Variants in RFC4 observed in about 807,000 individuals in gnomAD.
RFC4 encodes A1 37 kDa subunit.
A neutral mutation model predicts 47.6 loss-of-function variants in RFC4; 38 were observed. The ratio of observed to expected loss-of-function variants is 0.80; its 90% confidence interval spans 0.62 to 1.05. The LOEUF is 1.05. RFC4 is among the 50% of genes least tolerant of loss of function. RFC4 has a pLI of 0.00. For missense variants in RFC4, 489 were observed against 434.0 expected (o/e 1.13, Z -1.13); for synonymous variants, 164 against 150.0 (o/e 1.09, Z -0.68).
chr3:186,802,089 G>A (rs1457263427), intron 2 of RFC4, among the ~76,000 whole-genome samples: 1 of 151,508 alleles, frequency 6.6e-6, no homozygotes, highest in African/African-American at 2.4e-5. Context: ...TTGGCCGGAT[G>A]CGGTGGCTCA....
intron 8 of RFC4, 38 bp from the exon 9 acceptor site, chr3:186,790,444 G>A (rs1722076537): frequency 7.0e-7 from 1 of 1,436,550 alleles, no homozygotes; most frequent in Non-Finnish European, 9.8e-7. Context: ...GATGTTTCTA[G>A]GTGAGACTAG....
rs1425400653 is a variant in RFC4, at chr3:186,792,598, G to A, written c.567C>T (p.Pro189=). The A allele has an allele frequency of 1.2e-6, 2 of 1,613,522 alleles. No individual in the cohort carries two copies. The highest frequency in any genetic ancestry group is 1.1e-5 in the South Asian group (1 of 90,986). Residue 189 remains proline, a synonymous_variant, in exon 7 of 11, where the codon CCC becomes CCT. Transcript: ENST00000296273. ...ICNYVSRIIE[P]LTSRCSKFRF... ...GGAATTTTGAACATCTAGAGGTCAG[G>A]GGTTCAATTATTCTGTGGAAGATGA...
At position 186,790,318 on chromosome 3, in the gene RFC4, G is replaced by A; in HGVS notation, c.882+8C>T. On this transcript the variant is annotated splice_region_variant and intron_variant, in intron 9 of 10. Coordinates refer to ENST00000296273, the MANE Select transcript of RFC4 (RefSeq NM_002916.5). The stretch of plus-strand genomic sequence containing the variant: ...TTCCTTTCCCCAAAGTTAGTAAGCT[G>A]ACTTTACCTTGACCACAGCTTCTAG... The A allele has an allele frequency of 6.2e-7, 1 of 1,611,940 alleles. No homozygotes were observed. Among genetic ancestry groups the A allele is most frequent in the South Asian group, 1.1e-5 (1 of 91,024 alleles).
At chr3:186,797,703 G>A in intron 3 of RFC4, 89 bp from the exon 4 acceptor site, 1 of 851,262 alleles carries the variant, frequency 1.2e-6, no homozygotes, top group Non-Finnish European at 1.9e-6. Context: ...GTGGAATAGT[G>A]CAATGACTTC....
At chr3:186,792,335 T>C (rs143090035) in intron 7 of RFC4, among the ~76,000 whole-genome samples, 155 bp downstream of exon 7, 35 of 152,342 alleles carry the variant, frequency 2.3e-4, no homozygotes, top group Middle Eastern at 3.4e-3. Context: ...ACCTTGTAAT[T>C]CCTACACATT....
At position 186,805,005 on chromosome 3, in the gene RFC4, A is replaced by G. The variant is rs1227306252; in HGVS notation, c.-11-281T>C. On this transcript the variant is annotated intron_variant, in intron 1 of 10. Coordinates refer to ENST00000296273, the MANE Select transcript of RFC4 (RefSeq NM_002916.5). ...GTGCAGGAGTTATAGAACAAAGATC[A>G]TATGTCACAAAAATGTTTAATGAGT... 1.9e-5 allele frequency: 5 copies of G among 265,250 alleles called. No individual in the cohort carries two copies. The Admixed American group carries it at 2.6e-4, about 14-fold the overall frequency. The allele number at this position is 265,250 out of a possible 1,614,324, so 16.4% of individuals were successfully genotyped here.
At chr3:186,794,858 C>T (rs564395332) in intron 4 of RFC4, 81 bp from the exon 5 acceptor site, 62 of 1,478,552 alleles carry the variant, frequency 4.2e-5, no homozygotes, top group Middle Eastern at 4.4e-4. Flanking sequence ...ACTTTGCAGA[C>T]GTTTAAAATC....
intron 9 of RFC4, 28 bp from the exon 10 acceptor site, chr3:186,790,283 T>A: frequency 6.2e-7 from 1 of 1,610,722 alleles, no homozygotes; most frequent in Non-Finnish European, 8.5e-7. Flanking sequence ...TTTGGTATGA[T>A]GACTTAATAT....
intron 3 of RFC4, among the ~76,000 whole-genome samples, 186 bp downstream of exon 3, chr3:186,800,931 T>G (rs1202417611): frequency 6.6e-6 from 1 of 152,224 alleles, no homozygotes; most frequent in African/African-American, 2.4e-5. Context: ...AACACTGCTA[T>G]GTAAGATTAA....
intron 3 of RFC4, among the ~76,000 whole-genome samples, chr3:186,798,194 G>C (rs1342092168): frequency 6.6e-6 from 1 of 152,184 alleles, no homozygotes; most frequent in African/African-American, 2.4e-5. Context: ...ACTCTGTAAG[G>C]ATGCTTGCAT....
Position 186,801,833 on chromosome 3 carries a change from G to C in RFC4, c.132-638C>G, listed in dbSNP as rs545393963. Among the ~76,000 whole-genome samples the C allele has an allele frequency of 4.0e-5, 6 of 151,572 alleles. 1 individual carries two copies. In the South Asian group the frequency reaches 1.2e-3, roughly 31 times the overall value. The stretch of plus-strand genomic sequence containing the variant: ...GAGGTCAGGAGTTCAAGACCAGCCT[G>C]ACCAACACGGAGAAACACTGTCTCT... On this transcript the variant is annotated intron_variant, in intron 2 of 10. Transcript: ENST00000296273.
intron 6 of RFC4, 89 bp downstream of exon 6, chr3:186,792,715 T>C (rs1045818182): frequency 1.9e-6 from 3 of 1,554,598 alleles, no homozygotes; most frequent in Non-Finnish European, 2.6e-6. Context: ...GAAAAATTAA[T>C]GTAGCCTTGA....
chr3:186,801,067 A>G, intron 3 of RFC4, 50 bp downstream of exon 3: 1 of 1,339,776 alleles, frequency 7.5e-7, no homozygotes, highest in African/African-American at 1.4e-5. Flanking sequence ...GAGGGTGAAT[A>G]AATTAAGTCT....
At chr3:186,798,863 T>C (rs2108471381) in intron 3 of RFC4, among the ~76,000 whole-genome samples, 1 of 152,344 alleles carries the variant, frequency 6.6e-6, no homozygotes, top group African/African-American at 2.4e-5. Flanking sequence ...GTCTACTTCA[T>C]TAAAAGACCA....
At chr3:186,794,807 T>C (rs1158024325) in intron 4 of RFC4, 30 bp from the exon 5 acceptor site, 12 of 1,611,714 alleles carry the variant, frequency 7.4e-6, no homozygotes, top group African/African-American at 4.0e-5. Context: ...ATATGAAACA[T>C]AGAGCACAAG....
Position 186,790,248 on chromosome 3 carries a change from A to G in RFC4, c.890T>C (p.Ile297Thr), listed in dbSNP as rs759554231. The G allele has an allele frequency of 5.6e-6, 9 of 1,612,880 alleles. No homozygotes were observed. The highest frequency in any genetic ancestry group is 1.3e-5 in the African/African-American group (1 of 74,848). Residue 297 changes from isoleucine (I) to threonine (T), a missense_variant, in exon 10 of 11, where the codon ATA becomes ACA. Transcript: ENST00000296273. ...CTGAGTTGCTGCATGACCCTCATCT[A>G]TTAAATCCTATAATAAAAAAAACTT... ...DKLEAVVKDL[I>T]DEGHAATQLV...
chr3:186,799,927 TTTGTG>T (rs1722318326), intron 3 of RFC4, among the ~76,000 whole-genome samples: 1 of 152,036 alleles, frequency 6.6e-6, no homozygotes, highest in African/African-American at 2.4e-5. Flanking sequence ...TATAAGAGTA[TTTGTG>T]TTATTTATTT....
intron 4 of RFC4, 166 bp from the exon 5 acceptor site, chr3:186,794,943 C>T (rs1169548258): frequency 5.0e-5 from 34 of 684,994 alleles, no homozygotes; most frequent in Non-Finnish European, 7.7e-5. Flanking sequence ...CTGCAGTTAA[C>T]ATTTTGGCTT....
At chr3:186,797,465 A>G in intron 4 of RFC4, 70 bp downstream of exon 4, 1 of 1,042,742 alleles carries the variant, frequency 9.6e-7, no homozygotes, top group Non-Finnish European at 1.5e-6. Context: ...TTTTAGAGGA[A>G]AAAAAGCAAT....
Sources: allele counts gnomAD v4.1 joint callset (sites outside exome capture counted in the v4.1 genomes callset), GRCh38; gene constraint gnomAD v4.1.1; transcripts MANE v1.5; gene names NCBI Gene and HGNC (gene_info 2026-07-23, HGNC 2026-07-21).